ATP10B: variants seen among roughly 807,000 people sequenced by gnomAD.
ATP10B encodes the protein ATPase phospholipid transporting 10B (putative), also known as phospholipid-transporting ATPase VB.
A neutral mutation model predicts 141.2 loss-of-function variants in ATP10B; 122 were observed. The ratio of observed to expected loss-of-function variants is 0.86; its 90% CI spans 0.75 to 1.00. The LOEUF is 1.00. Ranked by LOEUF, ATP10B falls within the 50% of genes least tolerant of loss-of-function variation. The probability of loss-of-function intolerance (pLI) is 0.00; values close to 1 mark genes in which losing one functional copy is unlikely to be tolerated. For synonymous variants in ATP10B, 685 were observed against 692.0 expected (o/e 0.99, Z 0.16); for missense variants, 1,876 against 1,825.3 (o/e 1.03, Z -0.51).
At chr5:160,895,997 A>G in the ATP10B span, among the ~76,000 whole-genome samples, 54 of 152,172 alleles carry the variant, frequency 3.5e-4, no homozygotes, top group African/African-American at 1.3e-3. Flanking sequence ...TTTGAAACCA[A>G]TGAGAACAAA....
intron 1 of ATP10B, among the ~76,000 whole-genome samples, chr5:160,821,992 A>G (rs1416610842): frequency 1.3e-5 from 2 of 152,322 alleles, no homozygotes; most frequent in South Asian, 2.1e-4. Flanking sequence ...ACAGACAACC[A>G]AAGCAAAAAT....
chr5:160,578,391 A>C (rs772939115), intron 24 of ATP10B, among the ~76,000 whole-genome samples: 2 of 152,008 alleles, frequency 1.3e-5, no homozygotes, highest in African/African-American at 4.8e-5. Context: ...CCCTGTGTCC[A>C]TGTGTTCTCA....
the ATP10B span, among the ~76,000 whole-genome samples, chr5:160,911,187 A>G: frequency 1.3e-5 from 2 of 152,206 alleles, no homozygotes; most frequent in African/African-American, 4.8e-5. Context: ...TATTGGTCAT[A>G]ACTAGCATAA....
Position 160,836,718 on chromosome 5 carries a change from T to C in ATP10B, c.-576+15223A>G, listed in dbSNP as rs1170678170. 2.0e-5 allele frequency among the ~76,000 whole-genome samples: 3 copies of C among 152,102 alleles called. No homozygotes were observed. In the East Asian group the frequency reaches 5.8e-4, roughly 29 times the overall value. ...GGTTTCATACATTTGGTCCCTCTGGTTCCTCTGACTCAATCATTCTTTTCC... is the reference window on the plus strand; with the variant it reads ...GGTTTCATACATTTGGTCCCTCTGGCTCCTCTGACTCAATCATTCTTTTCC... On this transcript the variant is annotated intron_variant, in intron 1 of 25. Transcript: ENST00000327245.
chr5:160,665,824 GGT>G, intron 7 of ATP10B, among the ~76,000 whole-genome samples: 1 of 152,248 alleles, frequency 6.6e-6, no homozygotes, highest in Non-Finnish European at 1.5e-5. Context: ...TAATCTCTGT[GGT>G]TAGTAAAAAC....
chr5:160,658,230 T>C (rs1282445667), intron 7 of ATP10B, among the ~76,000 whole-genome samples: 1 of 152,158 alleles, frequency 6.6e-6, no homozygotes, highest in Non-Finnish European at 1.5e-5. Context: ...TTGAACGGAC[T>C]ATAATAGTTG....
chr5:160,585,478 C>T (rs1755823824), intron 24 of ATP10B, among the ~76,000 whole-genome samples: 1 of 152,164 alleles, frequency 6.6e-6, no homozygotes, highest in African/African-American at 2.4e-5. Flanking sequence ...GTGGCACGCG[C>T]CATAGTCCCA....
rs1439086899 is a variant in ATP10B, at chr5:160,695,812, T to TA, written c.-204-6870dup. Among the ~76,000 whole-genome samples the TA allele has an allele frequency of 1.8e-4, 28 of 152,134 alleles. 1 individual carries two copies. The highest frequency in any genetic ancestry group is 4.0e-4 in the Non-Finnish European group (27 of 68,022). On this transcript the variant is annotated intron_variant, in intron 3 of 25. Coordinates refer to ENST00000327245, the MANE Select transcript of ATP10B (RefSeq NM_025153.3). ...CTGATATTAGAATGAATTAGAATTT[T>TA]AAAAAGTTTGGCCTTCAGTTAACTA...
rs1373047378 is a variant in ATP10B at position 160,591,138 on chromosome 5, C to T, written c.3566G>A (p.Cys1189Tyr). ...AATCCAGAAAGTCGACAGGTTATAG[C>T]ACTGCCAGGAGAGAACACACCAATA... ...ELYKSGQNSE[C>Y]YNLSTFWISM... Residue 1189 changes from cysteine to tyrosine, a missense_variant and splice_region_variant, in exon 23 of 26, where the codon TGC (cysteine) becomes TAC (tyrosine). Coordinates refer to ENST00000327245, the MANE Select transcript of ATP10B (RefSeq NM_025153.3). 6.2e-7 allele frequency: 1 copy of T among 1,613,316 alleles called. No homozygotes were observed. The highest frequency in any genetic ancestry group is 1.1e-5 in the South Asian group (1 of 91,052).
At chr5:160,581,847 A>G (rs968560008) in intron 24 of ATP10B, among the ~76,000 whole-genome samples, 2 of 152,168 alleles carry the variant, frequency 1.3e-5, no homozygotes, top group Non-Finnish European at 2.9e-5. Context: ...TTTGGTGCAT[A>G]TATATTTAGG....
intron 2 of ATP10B, among the ~76,000 whole-genome samples, chr5:160,724,098 G>A (rs1256263448): frequency 6.6e-6 from 1 of 152,046 alleles, no homozygotes; most frequent in African/African-American, 2.4e-5. Flanking sequence ...TACAGAGAGG[G>A]GAAGAACATA....
At chr5:160,918,054 G>C in the ATP10B span, among the ~76,000 whole-genome samples, 1 of 152,348 alleles carries the variant, frequency 6.6e-6, no homozygotes, top group South Asian at 2.1e-4. Flanking sequence ...AGAGCTGCGT[G>C]TTCTCATTCT....
chr5:160,569,035 A>G (rs1183216627), intron 25 of ATP10B, among the ~76,000 whole-genome samples: 2 of 152,170 alleles, frequency 1.3e-5, no homozygotes, highest in African/African-American at 4.8e-5. Context: ...GTTTGACTTG[A>G]TCTTTCCTTG....
At chr5:160,880,679 A>G in the ATP10B span, among the ~76,000 whole-genome samples, 1 of 152,228 alleles carries the variant, frequency 6.6e-6, no homozygotes, top group East Asian at 1.9e-4. Flanking sequence ...ATGAGCAAAT[A>G]TAATACAATG....
At chr5:160,607,116 G>C (rs538350438) in intron 18 of ATP10B, 30 bp from the exon 19 acceptor site, 1 of 1,565,766 alleles carries the variant, frequency 6.4e-7, no homozygotes, top group Non-Finnish European at 8.7e-7. Flanking sequence ...TACAGTATTT[G>C]TAAGCAACCT....
chr5:160,782,581 C>T (rs1773437319), intron 2 of ATP10B, among the ~76,000 whole-genome samples: 1 of 151,936 alleles, frequency 6.6e-6, no homozygotes, highest in South Asian at 2.1e-4. Flanking sequence ...CCCTCCCATA[C>T]CTGACCTAGC....
intron 2 of ATP10B, among the ~76,000 whole-genome samples, chr5:160,768,756 A>T (rs548068288): frequency 6.6e-5 from 10 of 152,296 alleles, no homozygotes; most frequent in Admixed American, 5.9e-4. Context: ...AGCTTTAAGA[A>T]CATCCAGAAA....
chr5:160,745,529 C>T (rs1432788), intron 2 of ATP10B, among the ~76,000 whole-genome samples: 15,352 of 152,248 alleles, frequency 0.1, 897 homozygotes, highest in African/African-American at 0.16. Context: ...TTCATTAAAA[C>T]TTGTTAAGAA....
Position 160,785,772 on chromosome 5 carries a change from C to T in ATP10B, c.-544G>A, listed in dbSNP as rs1771100938. The T allele has an allele frequency of 1.0e-6, 1 of 974,976 alleles. No individual in the cohort carries two copies. Among genetic ancestry groups the T allele is most frequent in the Non-Finnish European group, 1.4e-6 (1 of 736,910 alleles). 60.4% of individuals were successfully genotyped at this position (974,976 alleles called of 1,614,324 possible). On this transcript the variant is annotated 5_prime_UTR_variant, in exon 2 of 26. Transcript: ENST00000327245. ...TTGCTTTCATTGAAACAAATGTCAC[C>T]AGTCGGTTCTGATTCTCTTGTCAAA... is the stretch of plus-strand genomic sequence containing the variant.
Sources: allele counts gnomAD v4.1 joint callset (sites outside exome capture counted in the v4.1 genomes callset), GRCh38; gene constraint gnomAD v4.1.1; transcripts MANE v1.5; gene names NCBI Gene and HGNC (gene_info 2026-07-23, HGNC 2026-07-21).